The following MECOM variants were observed in gnomAD, a reference collection of about 807,000 sequenced individuals.
The protein encoded by MECOM is histone-lysine N-methyltransferase MECOM.
Under a neutral mutation model 116.3 loss-of-function variants are expected in MECOM, and 13 were observed. That is an observed-to-expected ratio of 0.11 (90% confidence interval 0.07 to 0.18). The LOEUF (loss-of-function observed/expected upper bound fraction) is 0.18, where lower values mean the gene tolerates loss of function less well. Ranked by LOEUF, MECOM falls within the 10% of genes least tolerant of loss-of-function variation. The probability of loss-of-function intolerance (pLI) is 1.00; values close to 1 mark genes in which losing one functional copy is unlikely to be tolerated. For missense variants in MECOM, 1,299 were observed against 1,509.0 expected (o/e 0.86, Z 2.31); for synonymous variants, 528 against 535.2 (o/e 0.99, Z 0.19).
intron 1 of MECOM, among the ~76,000 whole-genome samples, chr3:169,638,311 T>A (rs1276398044): frequency 2.0e-5 from 3 of 152,132 alleles, no homozygotes; most frequent in Non-Finnish European, 4.4e-5. Context: ...ACCTCCCCAA[T>A]GTGGACTTCA....
chr3:169,484,200 G>C, intron 1 of MECOM: 1 of 594,164 alleles, frequency 1.7e-6, no homozygotes, highest in Non-Finnish European at 3.0e-6. Context: ...TTATTGATGA[G>C]CTTTGTAAAT....
intron 2 of MECOM, among the ~76,000 whole-genome samples, chr3:169,191,722 AAG>A (rs1204271979): frequency 1.1e-4 from 5 of 45,182 alleles, no homozygotes; most frequent in African/African-American, 3.3e-4. Context: ...GAAAGAAAAA[AAG>A]AAAGAAAGAA....
chr3:169,327,495 G>A (rs1180807683), intron 2 of MECOM, among the ~76,000 whole-genome samples: 8 of 151,944 alleles, frequency 5.3e-5, no homozygotes, highest in South Asian at 2.1e-4. Flanking sequence ...AAAATTAGCC[G>A]GGTATGGTGG....
rs1168607728 is a variant in MECOM at position 169,381,192 on chromosome 3, A to C, written c.370T>G (p.Trp124Gly). 1 of 1,602,006 alleles carries C rather than the reference A, an allele frequency of 6.2e-7. No individual in the cohort carries two copies. Among genetic ancestry groups the C allele is most frequent in the East Asian group, 2.2e-5 (1 of 44,586 alleles). The part of the protein sequence containing the change: ...RSNLKDPSYG[W>G]EILDEFYNVK... Reference sequence around the variant, plus strand: ...AACTCAAAATACATTCTTACCTCCCATCCATAACTGGGGTCTTTCAGGTTT... The same window carrying C: ...AACTCAAAATACATTCTTACCTCCCCTCCATAACTGGGGTCTTTCAGGTTT... Residue 124 changes from tryptophan (W) to glycine (G), a missense_variant, in exon 2 of 17, where the codon TGG (tryptophan) becomes GGG (glycine). This residue lies in a region of MECOM where 374 missense variants were observed against 433.4 expected (regional missense o/e 0.86). Transcript: ENST00000651503.
intron 2 of MECOM, among the ~76,000 whole-genome samples, chr3:169,373,231 TG>T (rs1311403522): frequency 6.6e-6 from 1 of 152,052 alleles, no homozygotes; most frequent in Non-Finnish European, 1.5e-5. Flanking sequence ...AAGTTTCTCT[TG>T]GTTGGATAAA....
intron 5 of MECOM, 59 bp from the exon 6 acceptor site, chr3:169,122,786 T>C: frequency 6.4e-7 from 1 of 1,555,440 alleles, no homozygotes. Flanking sequence ...CGGAACAACA[T>C]TTTATTGTTA....
At chr3:169,364,164 A>T (rs1489016683) in intron 2 of MECOM, among the ~76,000 whole-genome samples, 1 of 151,916 alleles carries the variant, frequency 6.6e-6, no homozygotes, top group East Asian at 1.9e-4. Context: ...TTAGCTCTTT[A>T]TTTGCAAAAG....
chr3:169,591,787 T>C (rs1005111073), intron 1 of MECOM, among the ~76,000 whole-genome samples: 3 of 152,152 alleles, frequency 2.0e-5, no homozygotes, highest in African/African-American at 4.8e-5. Flanking sequence ...ACAGGTCAAA[T>C]AGCATGCTCT....
chr3:169,488,945 AG>A (rs1233687780), intron 1 of MECOM, among the ~76,000 whole-genome samples: 1 of 152,008 alleles, frequency 6.6e-6, no homozygotes, highest in Non-Finnish European at 1.5e-5. Context: ...AGTTTTTAAA[AG>A]AAAAGTAAAA....
chr3:169,227,612 T>C (rs954042130), intron 2 of MECOM, among the ~76,000 whole-genome samples: 4 of 152,192 alleles, frequency 2.6e-5, no homozygotes, highest in Admixed American at 1.3e-4. Flanking sequence ...ACATTTGAGC[T>C]AAACCTTTGC....
At chr3:169,219,684 GAGAA>G (rs1751871539) in intron 2 of MECOM, among the ~76,000 whole-genome samples, 1 of 151,802 alleles carries the variant, frequency 6.6e-6, no homozygotes, top group African/African-American at 2.4e-5. Flanking sequence ...GAAGGAGTGA[GAGAA>G]AGTCTGTCAC....
intron 1 of MECOM, among the ~76,000 whole-genome samples, chr3:169,647,107 G>T (rs1774287067): frequency 6.6e-6 from 1 of 152,134 alleles, no homozygotes; most frequent in Non-Finnish European, 1.5e-5. Flanking sequence ...AGGCAATGTA[G>T]TGTTCTACTT....
At chr3:169,197,230 G>T (rs1209953670) in intron 2 of MECOM, among the ~76,000 whole-genome samples, 1 of 151,556 alleles carries the variant, frequency 6.6e-6, no homozygotes, top group African/African-American at 2.4e-5. Context: ...CGTTACCTGG[G>T]TGACAAAATA....
chr3:169,545,598 T>C (rs959827669), intron 1 of MECOM, among the ~76,000 whole-genome samples: 7 of 152,238 alleles, frequency 4.6e-5, no homozygotes, highest in Non-Finnish European at 7.3e-5. Flanking sequence ...CCTTAGGCTC[T>C]TTCTTCTCTA....
intron 2 of MECOM, among the ~76,000 whole-genome samples, chr3:169,168,245 C>G (rs1338301529): frequency 6.7e-6 from 1 of 150,196 alleles, no homozygotes; most frequent in Admixed American, 6.6e-5. Flanking sequence ...GACAGGGTCT[C>G]GCTTAGTTGC....
chr3:169,228,362 C>T (rs892548661), intron 2 of MECOM, among the ~76,000 whole-genome samples: 1 of 152,146 alleles, frequency 6.6e-6, no homozygotes, highest in African/African-American at 2.4e-5. Flanking sequence ...TTTAAAGTCA[C>T]TCATGATGCA....
chr3:169,450,574 G>T (rs1481761144), intron 1 of MECOM, among the ~76,000 whole-genome samples: 1 of 104,644 alleles, frequency 9.6e-6, no homozygotes, highest in Non-Finnish European at 1.9e-5. Flanking sequence ...ACATCTTCAG[G>T]ACAAAACGAA....
intron 2 of MECOM, among the ~76,000 whole-genome samples, chr3:169,315,387 A>G (rs1330295292): frequency 6.6e-6 from 1 of 152,230 alleles, no homozygotes; most frequent in Non-Finnish European, 1.5e-5. Context: ...TCTTTGTAAA[A>G]TACAGTTGTG....
intron 2 of MECOM, among the ~76,000 whole-genome samples, chr3:169,190,525 AATAT>A (rs1456888884): frequency 6.6e-6 from 1 of 152,040 alleles, no homozygotes; most frequent in Non-Finnish European, 1.5e-5. Flanking sequence ...AGAGTTGCAA[AATAT>A]ATTTACATGA....
Sources: gnomAD v4.1 joint callset for allele counts (sites outside exome capture counted in the v4.1 genomes callset) on GRCh38, gnomAD v4.1.1 for gene constraint, gnomAD v4.1.1 regional missense constraint, MANE v1.5 for transcripts, NCBI Gene and HGNC (gene_info 2026-07-23, HGNC 2026-07-21) for gene names.